Variants in UNC80 observed in about 807,000 individuals in gnomAD.
UNC80 encodes the protein unc-80 subunit of NALCN channel complex.
A neutral mutation model predicts 384.6 loss-of-function variants in UNC80; 164 were observed. The ratio of observed to expected loss-of-function variants is 0.43; its 90% CI spans 0.38 to 0.49. The LOEUF is 0.49. Ranked by LOEUF, UNC80 falls within the 20% of genes least tolerant of loss-of-function variation. UNC80 has a pLI of 0.00. For missense variants in UNC80, 3,330 were observed against 4,143.0 expected, an observed-to-expected ratio of 0.80 and a Z score of 5.39; for synonymous variants, 1,486 against 1,527.8, an observed-to-expected ratio of 0.97 and a Z score of 0.64.
intron 8 of UNC80, among the ~76,000 whole-genome samples, chr2:209,814,329 G>A (rs777167972): frequency 4.0e-5 from 6 of 151,804 alleles, no homozygotes; most frequent in South Asian, 2.1e-4. Context: ...TCCGCCTACC[G>A]GGTTCACGCC....
intron 18 of UNC80, among the ~76,000 whole-genome samples, chr2:209,836,951 C>T (rs1443351769): frequency 1.3e-5 from 2 of 152,126 alleles, no homozygotes; most frequent in African/African-American, 4.8e-5. Flanking sequence ...GTTTTTCCAG[C>T]CAGACTACAT....
At chr2:209,835,043 C>A in intron 18 of UNC80, 33 bp downstream of exon 18, 2 of 1,434,692 alleles carry the variant, frequency 1.4e-6, no homozygotes, top group Non-Finnish European at 1.9e-6. Flanking sequence ...CCAGTGCAGA[C>A]GGCTATGCAC....
chr2:209,779,155 A>G (rs2077022438), intron 4 of UNC80, among the ~76,000 whole-genome samples: 1 of 152,166 alleles, frequency 6.6e-6, no homozygotes, highest in South Asian at 2.1e-4. Context: ...GCACTGCTTT[A>G]ATAGGGACTG....
At chr2:209,815,451 T>G in intron 9 of UNC80, 60 bp downstream of exon 9, 2 of 1,519,370 alleles carry the variant, frequency 1.3e-6, no homozygotes, top group Non-Finnish European at 1.8e-6. Flanking sequence ...CAGTGGGACA[T>G]GAGATGTTTC....
chr2:209,990,006 C>T (rs185008531), intron 61 of UNC80, among the ~76,000 whole-genome samples: 54 of 152,224 alleles, frequency 3.5e-4, no homozygotes, highest in Admixed American at 7.8e-4. Context: ...TTGATGGGTG[C>T]ATTCCATGAT....
chr2:209,856,075 A>G (rs2082890725), intron 22 of UNC80, among the ~76,000 whole-genome samples: 2 of 152,160 alleles, frequency 1.3e-5, no homozygotes, highest in African/African-American at 2.4e-5. Context: ...AAAATTCCAA[A>G]TAAGTGCCAA....
chr2:209,820,608 G>A lies in UNC80; in HGVS notation c.2260G>A (p.Gly754Arg), dbSNP rs750342957. 5 of 1,551,434 alleles carry A rather than the reference G, an allele frequency of 3.2e-6. No individual in the cohort carries two copies. Among genetic ancestry groups the A allele is most frequent in the Non-Finnish European group, 4.4e-6 (5 of 1,146,790 alleles). Residue 754 changes from glycine (G) to arginine (R), a missense_variant, in exon 13 of 65, where the codon GGA becomes AGA. Coordinates refer to ENST00000673920, the MANE Select transcript of UNC80 (RefSeq NM_001371986.1). Reference protein sequence around the residue: ...EGGGGDGGGGGGDGGGGGGGG... With the variant: ...EGGGGDGGGGRGDGGGGGGGG... ...AGGAGGTGGAGATGGAGGAGGTGGA[G>A]GAGGTGATGGAGGAGGAGGTGGAGG...
intron 46 of UNC80, 74 bp downstream of exon 46, chr2:209,945,263 C>A: frequency 1.4e-6 from 2 of 1,396,810 alleles, no homozygotes; most frequent in South Asian, 1.5e-5. Flanking sequence ...ATTATACACA[C>A]ATACACGTAT....
rs762348614 is a variant in UNC80 at position 209,817,943 on chromosome 2, G to C, written c.1684G>C (p.Val562Leu). The C allele has an allele frequency of 1.3e-6, 2 of 1,551,452 alleles. No homozygotes were observed. Among genetic ancestry groups the C allele is most frequent in the South Asian group, 1.2e-5 (1 of 84,056 alleles). ...DPSNSHGENT[V>L]KEVRSQISTI... ...CTCCAACAGCCATGGAGAAAACACC[G>C]TCAAGGAAGGTGGGTAGGAGGTGGG... is the stretch of plus-strand genomic sequence containing the variant. The change falls in exon 11 of 65, where the codon GTC becomes CTC. Residue 562 changes from valine (V) to leucine (L), a missense_variant. By Grantham distance (32) the Val-to-Leu change is conservative. Transcript: ENST00000673920.
Position 209,997,456 on chromosome 2 carries a change from T to A in UNC80, c.*1861T>A, listed in dbSNP as rs2093499972. 6.6e-6 allele frequency: 1 copy of A among 152,238 alleles called. No homozygotes were observed. The highest frequency in any genetic ancestry group is 2.4e-5 in the African/African-American group (1 of 41,456). 9.4% of individuals were successfully genotyped at this position (152,238 alleles called of 1,614,324 possible). On this transcript the variant is annotated 3_prime_UTR_variant, in exon 65 of 65. Coordinates refer to ENST00000673920, the MANE Select transcript of UNC80 (RefSeq NM_001371986.1). ...TGTCTGGGCTATTGGCGCGTCTCTA[T>A]ATATGTGTGTGCTTTGTTCCAGTTT...
At chr2:209,906,387 T>C (rs2088212488) in intron 29 of UNC80, among the ~76,000 whole-genome samples, 1 of 152,198 alleles carries the variant, frequency 6.6e-6, no homozygotes, top group African/African-American at 2.4e-5. Flanking sequence ...TATGATCTTT[T>C]AGTTTTTTTC....
intron 30 of UNC80, 107 bp from the exon 31 acceptor site, chr2:209,913,695 G>T: frequency 8.4e-7 from 1 of 1,185,012 alleles, no homozygotes; most frequent in African/African-American, 1.5e-5. Flanking sequence ...GCATTTTAAG[G>T]TCACTTAAGG....
Position 209,872,867 on chromosome 2 carries a change from T to C in UNC80, c.3737T>C (p.Ile1246Thr). ...PEWMKGHHVNITKKGLSRGRS... is the reference protein window; with the variant it reads ...PEWMKGHHVNTTKKGLSRGRS... ...TGGATGAAAGGGCACCACGTGAACA[T>C]CACCAAGAAAGGACTTTCCCGGGGA... The change falls in exon 23 of 65, where the codon ATC (isoleucine) becomes ACC (threonine). Residue 1246 changes from isoleucine to threonine, a missense_variant. Coordinates refer to ENST00000673920, the MANE Select transcript of UNC80 (RefSeq NM_001371986.1). The surrounding 1 kb of genome is among the most constrained non-coding windows in gnomAD (Gnocchi z 4.1). 6.4e-7 allele frequency: 1 copy of C among 1,551,436 alleles called. No individual in the cohort carries two copies. The highest frequency in any genetic ancestry group is 8.7e-7 in the Non-Finnish European group (1 of 1,146,850).
In UNC80 at chr2:209,813,837, C is replaced by G; in HGVS notation, c.1196C>G (p.Thr399Ser). The G allele has an allele frequency of 6.4e-7, 1 of 1,550,608 alleles. No homozygotes were observed. Among genetic ancestry groups the G allele is most frequent in the Admixed American group, 2.0e-5 (1 of 50,690 alleles). The stretch of plus-strand genomic sequence containing the variant: ...CCCTCACTAGTGAACACCCACAAAA[C>G]CCAAGTAAGAAAAACCCGGTTCATT... The part of the protein sequence containing the change: ...AAPSLVNTHK[T>S]QDLTMKCNEE... Residue 399 changes from threonine to serine, a missense_variant, in exon 8 of 65, where the codon ACC becomes AGC. Thr to Ser is a moderately conservative substitution (Grantham distance 58). Around this residue, in one of 8 missense-constraint regions of UNC80, gnomAD observed 937 missense variants for 1,026.8 expected, o/e 0.91. Transcript: ENST00000673920.
intron 23 of UNC80, among the ~76,000 whole-genome samples, chr2:209,877,118 T>TG (rs765232644): frequency 1.3e-5 from 2 of 152,176 alleles, no homozygotes; most frequent in Non-Finnish European, 2.9e-5. Flanking sequence ...AGTGATCTGT[T>TG]TAACTTTTTC....
rs573958103 is a variant in UNC80 at position 209,817,867 on chromosome 2, C to T, written c.1608C>T (p.Ser536=). 6 of 1,551,644 alleles carry T rather than the reference C, an allele frequency of 3.9e-6. No homozygotes were observed. Among genetic ancestry groups the T allele is most frequent in the African/African-American group, 2.7e-5 (2 of 73,150 alleles). ...SDAATEMESL[S]ARHSHSHHTL... ...CAGCCACTGAGATGGAGAGTCTGAG[C>T]GCCAGGCATTCCCACTCCCATCACA... is the stretch of plus-strand genomic sequence containing the variant. The change falls in exon 11 of 65, where the codon AGC becomes AGT. Residue 536 remains serine (S), a synonymous_variant. Transcript: ENST00000673920.
At position 209,996,941 on chromosome 2, in the gene UNC80, A is replaced by G. The variant is rs1327893446; in HGVS notation, c.*1346A>G. On this transcript the variant is annotated 3_prime_UTR_variant, in exon 65 of 65. Coordinates refer to ENST00000673920, the MANE Select transcript of UNC80 (RefSeq NM_001371986.1). Reference sequence around the variant, plus strand: ...TGTAGTCCTCAAGATGAAGTTAAATATAGACTTTAATTACCCTGCAATGAA... The same window carrying G: ...TGTAGTCCTCAAGATGAAGTTAAATGTAGACTTTAATTACCCTGCAATGAA... The G allele has an allele frequency of 6.6e-6, 1 of 152,200 alleles. No individual in the cohort carries two copies. Among genetic ancestry groups the G allele is most frequent in the African/African-American group, 2.4e-5 (1 of 41,450 alleles). 9.4% of individuals were successfully genotyped at this position (152,200 alleles called of 1,614,324 possible). A position where few individuals can be genotyped will look rare whatever the true frequency, so the allele number is the denominator to read the frequency against.
At chr2:209,937,417 C>A in intron 41 of UNC80, 112 bp from the exon 42 acceptor site, 1 of 790,742 alleles carries the variant, frequency 1.3e-6, no homozygotes, top group Non-Finnish European at 2.0e-6. Flanking sequence ...CCTTTAGCTG[C>A]TTTTCTCCTG....
In UNC80 at chr2:209,868,027, C is replaced by T. The variant is rs977509533; in HGVS notation, c.3628-4731C>T. Among the ~76,000 whole-genome samples, 8 of 152,272 alleles carry T rather than the reference C, an allele frequency of 5.3e-5. No homozygotes were observed. In the East Asian group the frequency reaches 1.5e-3, roughly 29 times the overall value. On this transcript the variant is annotated intron_variant, in intron 22 of 64. Coordinates refer to ENST00000673920, the MANE Select transcript of UNC80 (RefSeq NM_001371986.1). ...CTAGCCTTCCAGACCATGTGCTAAC[C>T]TGTAATGTTGGTCTTCAGCCTACCC...
Sources: allele counts gnomAD v4.1 joint callset (sites outside exome capture counted in the v4.1 genomes callset), GRCh38; gene constraint gnomAD v4.1.1; regional missense constraint gnomAD v4.1.1; non-coding constraint Gnocchi (gnomAD v3.1); transcripts MANE v1.5; gene names NCBI Gene and HGNC (gene_info 2026-07-23, HGNC 2026-07-21).